The following AHCYL2 variants were observed in gnomAD, a reference collection of about 807,000 sequenced individuals.
The protein encoded by AHCYL2 is adenosylhomocysteinase like 2.
A neutral mutation model predicts 81.4 loss-of-function variants in AHCYL2; 28 were observed. The observed-to-expected ratio is 0.34, with a 90% CI of 0.25 to 0.47. AHCYL2 has a LOEUF of 0.47. Ranked by LOEUF, AHCYL2 falls within the 20% of genes least tolerant of loss-of-function variation. AHCYL2 has a pLI of 1.00. For missense variants in AHCYL2, 551 were observed against 785.1 expected, an observed-to-expected ratio of 0.70 and a Z score of 3.56; for synonymous variants, 272 against 290.2, an observed-to-expected ratio of 0.94 and a Z score of 0.64.
At chr7:129,273,049 C>T (rs1284024477) in intron 1 of AHCYL2, among the ~76,000 whole-genome samples, 3 of 151,740 alleles carry the variant, frequency 2.0e-5, no homozygotes, top group Non-Finnish European at 4.4e-5. Flanking sequence ...TACAGGTGCC[C>T]GCCATGATGC....
chr7:129,408,387 G>A (rs980286559), intron 10 of AHCYL2, among the ~76,000 whole-genome samples: 1 of 152,182 alleles, frequency 6.6e-6, no homozygotes, highest in African/African-American at 2.4e-5. Context: ...TAAAGAAAAA[G>A]AGTCACCCAG....
intron 4 of AHCYL2, among the ~76,000 whole-genome samples, chr7:129,391,248 C>T (rs1795456692): frequency 6.6e-6 from 1 of 152,126 alleles, no homozygotes; most frequent in Non-Finnish European, 1.5e-5. Flanking sequence ...ATAAGAACAA[C>T]AAAAAGTATG....
At chr7:129,408,710 A>G (rs1234682196) in intron 10 of AHCYL2, among the ~76,000 whole-genome samples, 3 of 152,174 alleles carry the variant, frequency 2.0e-5, no homozygotes, top group Non-Finnish European at 4.4e-5. Flanking sequence ...CCAAAGGAAG[A>G]GTATGGTTCT....
chr7:129,367,986 TTACTGATCCAAATC>T, intron 1 of AHCYL2: 1 of 525,466 alleles, frequency 1.9e-6, no homozygotes, highest in Non-Finnish European at 2.4e-6. Flanking sequence ...AAACGCCTGT[TTACTGATCCAAATC>T]AAGCAACTCT....
chr7:129,353,381 T>G (rs948510745), intron 1 of AHCYL2, among the ~76,000 whole-genome samples: 1 of 152,118 alleles, frequency 6.6e-6, no homozygotes, highest in African/African-American at 2.4e-5. Flanking sequence ...CAATTACTAT[T>G]TTCTTTCTTT....
chr7:129,255,562 A>G (rs1214233453), intron 1 of AHCYL2, among the ~76,000 whole-genome samples: 1 of 152,202 alleles, frequency 6.6e-6, no homozygotes, highest in Non-Finnish European at 1.5e-5. Flanking sequence ...ATCTATTTAC[A>G]TGAATGTGTG....
chr7:129,258,630 C>CCCT (rs1795513618), intron 1 of AHCYL2, among the ~76,000 whole-genome samples: 1 of 149,838 alleles, frequency 6.7e-6, no homozygotes, highest in African/African-American at 2.5e-5. Flanking sequence ...CAGAGAGTTC[C>CCCT]CTGAGATACC....
At chr7:129,373,246 G>T (rs1584842914) in intron 1 of AHCYL2, among the ~76,000 whole-genome samples, 1 of 152,218 alleles carries the variant, frequency 6.6e-6, no homozygotes, top group African/African-American at 2.4e-5. Flanking sequence ...AAGTTACTGT[G>T]TTCTATAAAA....
chr7:129,311,404 T>C (rs548401160), intron 1 of AHCYL2, among the ~76,000 whole-genome samples: 48 of 152,292 alleles, frequency 3.2e-4, no homozygotes, highest in Non-Finnish European at 5.7e-4. Context: ...GTTTTAAATA[T>C]CATCTAACCT....
At position 129,354,620 on chromosome 7, in the gene AHCYL2, G is replaced by T. The variant is rs564893528; in HGVS notation, c.364-25018G>T. On this transcript the variant is annotated intron_variant, in intron 1 of 16. Coordinates refer to ENST00000325006, the MANE Select transcript of AHCYL2 (RefSeq NM_015328.4). ...GCAAGTCTTCACTGTGGATGACATT[G>T]AGTAAGACTTGCTCTTGCAACCGAA... 3.3e-5 allele frequency among the ~76,000 whole-genome samples: 5 copies of T among 152,284 alleles called. No homozygotes were observed. In the South Asian group the frequency reaches 8.3e-4, roughly 25 times the overall value.
chr7:129,412,735 G>A (rs1386146581), intron 11 of AHCYL2, among the ~76,000 whole-genome samples: 1 of 152,146 alleles, frequency 6.6e-6, no homozygotes, highest in Non-Finnish European at 1.5e-5. Flanking sequence ...CCTCATTGTG[G>A]TTTTGATTTC....
intron 1 of AHCYL2, among the ~76,000 whole-genome samples, chr7:129,313,916 C>A (rs1308295709): frequency 6.6e-6 from 1 of 152,086 alleles, no homozygotes; most frequent in African/African-American, 2.4e-5. Context: ...TGATAAAATA[C>A]AGTATTTGAA....
intron 1 of AHCYL2, among the ~76,000 whole-genome samples, chr7:129,313,452 A>G (rs575192989): frequency 2.0e-4 from 30 of 152,336 alleles, no homozygotes; most frequent in Non-Finnish European, 4.0e-4. Context: ...ATACCAGCCA[A>G]TGTGGTTGAA....
chr7:129,347,266 A>G (rs926627213), intron 1 of AHCYL2, among the ~76,000 whole-genome samples: 9 of 152,204 alleles, frequency 5.9e-5, no homozygotes, highest in African/African-American at 1.7e-4. Flanking sequence ...AGGGAACCCA[A>G]ATGTAAACTG....
chr7:129,397,211 C>G lies in AHCYL2; in HGVS notation c.721-11C>G. On this transcript the variant is annotated splice_polypyrimidine_tract_variant and intron_variant, in intron 4 of 16. Transcript: ENST00000325006. ...CAGGCTTGCTCATACCCTGCTTTGT[C>G]TTTAATACAGGTGCTTATGGAAACT... The G allele has an allele frequency of 3.1e-6, 5 of 1,612,648 alleles. No homozygotes were observed.
intron 2 of AHCYL2, among the ~76,000 whole-genome samples, chr7:129,385,288 T>C (rs1795149481): frequency 6.6e-6 from 1 of 152,202 alleles, no homozygotes; most frequent in Non-Finnish European, 1.5e-5. Context: ...CCTACTGTTA[T>C]TTCCATTACC....
intron 1 of AHCYL2, among the ~76,000 whole-genome samples, chr7:129,243,314 T>C (rs972661462): frequency 6.6e-6 from 1 of 151,974 alleles, no homozygotes; most frequent in African/African-American, 2.4e-5. Flanking sequence ...TGAGCCACCA[T>C]GCCCAGCCGA....
At chr7:129,353,883 T>C (rs1488945651) in intron 1 of AHCYL2, among the ~76,000 whole-genome samples, 3 of 151,666 alleles carry the variant, frequency 2.0e-5, no homozygotes, top group East Asian at 3.9e-4. Flanking sequence ...AATGAAGATA[T>C]TTTGGAGATC....
At chr7:129,243,499 C>T (rs1794938158) in intron 1 of AHCYL2, among the ~76,000 whole-genome samples, 1 of 152,060 alleles carries the variant, frequency 6.6e-6, no homozygotes, top group East Asian at 1.9e-4. Context: ...TGTACCTATC[C>T]TGGGGTCATA....
Sources: allele counts gnomAD v4.1 joint callset (sites outside exome capture counted in the v4.1 genomes callset), GRCh38; gene constraint gnomAD v4.1.1; transcripts MANE v1.5; gene names NCBI Gene and HGNC (gene_info 2026-07-23, HGNC 2026-07-21).